The following MYRIP variants were observed in gnomAD, a reference collection of about 807,000 sequenced individuals.
The protein encoded by MYRIP is myosin VIIA and Rab interacting protein.
In MYRIP, 49 loss-of-function variants were observed where a neutral mutation model predicts 98.0. The ratio of observed to expected loss-of-function variants is 0.50; its 90% confidence interval spans 0.40 to 0.63. The LOEUF (loss-of-function observed/expected upper bound fraction) is 0.63. Ranked by LOEUF, MYRIP falls within the 30% of genes least tolerant of loss-of-function variation. MYRIP has a pLI of 0.00. For synonymous variants in MYRIP, 404 were observed against 409.5 expected (o/e 0.99, Z 0.16); for missense variants, 1,004 against 1,058.2 (o/e 0.95, Z 0.71).
chr3:40,129,711 A>C (rs568305496), intron 3 of MYRIP, among the ~76,000 whole-genome samples: 8 of 152,226 alleles, frequency 5.3e-5, no homozygotes, highest in African/African-American at 1.9e-4. Flanking sequence ...ACAGTGCCCT[A>C]CTGTGTTGGG....
At chr3:40,187,079 T>G (rs897378057) in intron 9 of MYRIP, among the ~76,000 whole-genome samples, 10 of 152,242 alleles carry the variant, frequency 6.6e-5, no homozygotes, top group Admixed American at 2.0e-4. Flanking sequence ...ATATATTTTC[T>G]GTATGCATAC....
chr3:40,219,580 C>G (rs13060021), intron 11 of MYRIP, among the ~76,000 whole-genome samples: 1 of 151,728 alleles, frequency 6.6e-6, no homozygotes, highest in African/African-American at 2.4e-5. Context: ...TGAGAACATG[C>G]GGTGTTTGGT....
intron 2 of MYRIP, among the ~76,000 whole-genome samples, chr3:39,971,798 T>C (rs1945589900): frequency 6.6e-6 from 1 of 152,090 alleles, no homozygotes; most frequent in Admixed American, 6.6e-5. Context: ...CTCCGTTCTG[T>C]CTTCGTGGAT....
chr3:40,151,309 C>T (rs1950114071), intron 4 of MYRIP, 125 bp downstream of exon 4: 1 of 1,044,964 alleles, frequency 9.6e-7, no homozygotes, highest in East Asian at 2.8e-5. Context: ...ATATCTGGCA[C>T]CAGTGAGAAG....
intron 4 of MYRIP, among the ~76,000 whole-genome samples, chr3:40,153,489 C>T (rs1338453932): frequency 6.6e-6 from 1 of 152,106 alleles, no homozygotes; most frequent in African/African-American, 2.4e-5. Flanking sequence ...TTAGAATCGC[C>T]AAGGGCGCTT....
rs534955397 is a variant in MYRIP at position 40,206,775 on chromosome 3, G to A, written c.1666-3079G>A. 5.9e-5 allele frequency among the ~76,000 whole-genome samples: 9 copies of A among 152,256 alleles called. 1 individual carries two copies. The South Asian group carries it at 1.9e-3, about 32-fold the overall frequency. ...AGCACATAGTAGGTGCTCAACATGT[G>A]TTTGCTGGATGTAGACTGAATCACA... On this transcript the variant is annotated intron_variant, in intron 10 of 16. Transcript: ENST00000302541.
At chr3:39,914,299 A>C (rs181778966) in intron 2 of MYRIP, among the ~76,000 whole-genome samples, 8 of 152,324 alleles carry the variant, frequency 5.3e-5, no homozygotes, top group Admixed American at 5.2e-4. Flanking sequence ...ATATGCATAC[A>C]GACAGCAGAG....
At chr3:39,832,557 G>T (rs1941482902) in intron 1 of MYRIP, among the ~76,000 whole-genome samples, 1 of 152,126 alleles carries the variant, frequency 6.6e-6, no homozygotes, top group Non-Finnish European at 1.5e-5. Context: ...TGGGGAGTTC[G>T]GAGCACGTAA....
chr3:40,212,204 ACGTGTGTG>A lies in MYRIP; in HGVS notation c.1905+2112_1905+2119del, dbSNP rs55960560. On this transcript the variant is annotated intron_variant, in intron 11 of 16. Coordinates refer to ENST00000302541, the MANE Select transcript of MYRIP (RefSeq NM_015460.4). ...CGTGTATGTGTATATACATATATAT[ACGTGTGTG>A]TATATATATATATACACACACACAC... 1.2e-3 allele frequency among the ~76,000 whole-genome samples: 73 copies of A among 60,072 alleles called. 5 individuals carry two copies. The highest frequency in any genetic ancestry group is 2.0e-3 in the African/African-American group (43 of 21,952). 39.4% of individuals were successfully genotyped at this position (60,072 alleles called of 152,430 possible).
At chr3:39,859,713 C>A (rs1942409021) in intron 1 of MYRIP, among the ~76,000 whole-genome samples, 1 of 152,074 alleles carries the variant, frequency 6.6e-6, no homozygotes, top group Non-Finnish European at 1.5e-5. Context: ...AAGGATGGTT[C>A]AACATATACA....
intron 11 of MYRIP, among the ~76,000 whole-genome samples, chr3:40,228,116 T>G (rs896201737): frequency 1.3e-5 from 2 of 152,044 alleles, no homozygotes; most frequent in Admixed American, 1.3e-4. Flanking sequence ...CTCTTGGAGG[T>G]GCCCACTCAG....
At chr3:40,016,544 G>A (rs1239852133) in intron 2 of MYRIP, among the ~76,000 whole-genome samples, 1 of 152,100 alleles carries the variant, frequency 6.6e-6, no homozygotes, top group Non-Finnish European at 1.5e-5. Context: ...TTCCCCATGG[G>A]GTCAGACTGA....
chr3:39,817,808 A>T (rs909196298), intron 1 of MYRIP, among the ~76,000 whole-genome samples: 1 of 152,184 alleles, frequency 6.6e-6, no homozygotes, highest in African/African-American at 2.4e-5. Context: ...CTAAAAGATT[A>T]AATAAAATGT....
At chr3:39,858,140 C>T (rs566453444) in intron 1 of MYRIP, among the ~76,000 whole-genome samples, 1 of 152,164 alleles carries the variant, frequency 6.6e-6, no homozygotes, top group East Asian at 1.9e-4. Flanking sequence ...GATTTGCTGC[C>T]TTCAGGAGAC....
intron 1 of MYRIP, among the ~76,000 whole-genome samples, chr3:39,818,775 A>G (rs937933117): frequency 1.3e-5 from 2 of 152,152 alleles, no homozygotes; most frequent in African/African-American, 2.4e-5. Flanking sequence ...TATTTTATGT[A>G]AACTTTGAAT....
At chr3:39,887,063 A>T (rs1338604015) in intron 1 of MYRIP, among the ~76,000 whole-genome samples, 1 of 152,036 alleles carries the variant, frequency 6.6e-6, no homozygotes, top group African/African-American at 2.4e-5. Flanking sequence ...CTACATGGAA[A>T]CTGAACAACC....
At chr3:40,121,273 C>A (rs1949398293) in intron 3 of MYRIP, among the ~76,000 whole-genome samples, 1 of 152,174 alleles carries the variant, frequency 6.6e-6, no homozygotes, top group Non-Finnish European at 1.5e-5. Flanking sequence ...GAAACGTATT[C>A]TCATATAGAT....
chr3:39,989,911 C>T (rs1466303053), intron 2 of MYRIP, among the ~76,000 whole-genome samples: 4 of 152,222 alleles, frequency 2.6e-5, no homozygotes, highest in Non-Finnish European at 5.9e-5. Context: ...TGCTGCCCTT[C>T]ACCTGCCCTT....
At chr3:40,208,269 G>A (rs2693483) in intron 10 of MYRIP, among the ~76,000 whole-genome samples, 68,962 of 151,662 alleles carry the variant, frequency 0.45, 16,554 homozygotes, top group Non-Finnish European at 0.55. Flanking sequence ...ACATAAGTAA[G>A]TTCTCTTCTT....
Sources: gnomAD v4.1 joint callset for allele counts (sites outside exome capture counted in the v4.1 genomes callset) on GRCh38, gnomAD v4.1.1 for gene constraint, MANE v1.5 for transcripts, NCBI Gene and HGNC (gene_info 2026-07-23, HGNC 2026-07-21) for gene names.